Variants in TXNDC16 observed in about 807,000 individuals in gnomAD.
TXNDC16 encodes the protein thioredoxin domain containing 16.
Under a neutral mutation model 85.6 loss-of-function variants are expected in TXNDC16, and 74 were observed. The ratio of observed to expected loss-of-function variants is 0.86; its 90% confidence interval spans 0.72 to 1.05. TXNDC16 has a LOEUF of 1.05. Ranked by LOEUF, TXNDC16 falls within the 50% of genes least tolerant of loss-of-function variation. The pLI, the probability that TXNDC16 is intolerant of heterozygous loss-of-function variation, is 0.00. For synonymous variants in TXNDC16, 335 were observed against 326.5 expected, an observed-to-expected ratio of 1.03 and a Z score of -0.28; for missense variants, 959 against 947.0, an observed-to-expected ratio of 1.01 and a Z score of -0.17.
chr14:52,536,637 TTTTAATGAA>T, intron 6 of TXNDC16, 73 bp downstream of exon 6: 1 of 1,178,786 alleles, frequency 8.5e-7, no homozygotes, highest in Non-Finnish European at 1.2e-6. Context: ...CCCTGAAATA[TTTTAATGAA>T]TTGTGGTTAT....
intron 6 of TXNDC16, among the ~76,000 whole-genome samples, chr14:52,536,432 T>C (rs2037701975): frequency 6.6e-6 from 1 of 152,210 alleles, no homozygotes; most frequent in Non-Finnish European, 1.5e-5. Flanking sequence ...CTGAACAGAC[T>C]AAGATACCTG....
intron 2 of TXNDC16, among the ~76,000 whole-genome samples, chr14:52,543,835 C>G (rs973787802): frequency 6.6e-6 from 1 of 151,962 alleles, no homozygotes; most frequent in African/African-American, 2.4e-5. Flanking sequence ...CAAAAGATAT[C>G]AAAACTACCT....
rs368904050 is a variant in TXNDC16 at position 52,470,003 on chromosome 14, C to T, written c.1618+34G>A. 2.2e-5 allele frequency: 34 copies of T among 1,576,770 alleles called. No homozygotes were observed. In the African/African-American group the frequency reaches 3.6e-4, roughly 17 times the overall value. On this transcript the variant is annotated intron_variant, in intron 16 of 20. Transcript: ENST00000281741. ...TAAAACTAGCAAGCAATGATATACT[C>T]TACTGTATAATTTAAAAGCTCAGCT...
chr14:52,517,755 G>A (rs1289325565), intron 7 of TXNDC16, among the ~76,000 whole-genome samples: 8 of 151,750 alleles, frequency 5.3e-5, no homozygotes, highest in Non-Finnish European at 8.8e-5. Context: ...CATCTTTCTC[G>A]TTAACATACA....
At chr14:52,544,457 T>C (rs1323457172) in intron 1 of TXNDC16, 86 bp from the exon 2 acceptor site, 1 of 152,084 alleles carries the variant, frequency 6.6e-6, no homozygotes, top group Non-Finnish European at 1.5e-5. Context: ...TTCAGTATTT[T>C]TAAAATTTCA....
intron 9 of TXNDC16, among the ~76,000 whole-genome samples, chr14:52,497,599 G>A (rs1193319170): frequency 6.6e-6 from 1 of 152,156 alleles, no homozygotes; most frequent in African/African-American, 2.4e-5. Flanking sequence ...ACCAAACTGG[G>A]CTGGGAGCAG....
In TXNDC16 at chr14:52,455,396, C is replaced by G. The variant is rs778192453; in HGVS notation, c.1770G>C (p.Glu590Asp). 5.0e-6 allele frequency: 8 copies of G among 1,613,952 alleles called. No individual in the cohort carries two copies. Among genetic ancestry groups the G allele is most frequent in the Non-Finnish European group, 6.8e-6 (8 of 1,179,940 alleles). Residue 590 changes from glutamate (E) to aspartate (D), a missense_variant, in exon 18 of 21, where the codon GAG becomes GAC. Physicochemically the swap from Glu to Asp is conservative, Grantham distance 45. Transcript: ENST00000281741. ...LLARHTEGKI[E>D]SIPLASTHAQ... ...CATGTGTGCTAGCTAGTGGGATGCTCTCTATTTTGCCTTCTGTGTGTCTGG... is the reference window on the plus strand; with the variant it reads ...CATGTGTGCTAGCTAGTGGGATGCTGTCTATTTTGCCTTCTGTGTGTCTGG...
In TXNDC16 at chr14:52,439,271, C is replaced by G; in HGVS notation, c.2127G>C (p.Gln709His). Residue 709 changes from glutamine (Q) to histidine (H), a missense_variant, in exon 20 of 21, where the codon CAG becomes CAC. Gln to His is a conservative substitution (Grantham distance 24). Transcript: ENST00000281741. ...GGQVFAFPSD[Q>H]AIIEENLVLW... ...ATACAAGGTTTTCTTCAATTATAGC[C>G]TGGTCTGAAGGAAATGCAAATACTT... 1 of 1,614,036 alleles carries G rather than the reference C, an allele frequency of 6.2e-7. No homozygotes were observed.
intron 14 of TXNDC16, among the ~76,000 whole-genome samples, chr14:52,476,879 T>C (rs566690484): frequency 2.0e-5 from 3 of 152,264 alleles, no homozygotes; most frequent in Non-Finnish European, 4.4e-5. Flanking sequence ...GTCATCAGGT[T>C]ACCTAAAGTT....
At chr14:52,457,581 T>C (rs1242497391) in intron 16 of TXNDC16, among the ~76,000 whole-genome samples, 1 of 152,166 alleles carries the variant, frequency 6.6e-6, no homozygotes, top group East Asian at 1.9e-4. Flanking sequence ...AACCATAAAA[T>C]CTGAAAGTAT....
chr14:52,506,758 T>A (rs1473031144), intron 9 of TXNDC16, among the ~76,000 whole-genome samples: 1 of 142,128 alleles, frequency 7.0e-6, no homozygotes, highest in African/African-American at 2.7e-5. Flanking sequence ...GGGTTTCACC[T>A]TGTTAGCCAG....
rs112830627 is a variant in TXNDC16, at chr14:52,441,458, A to C, written c.1843-734T>G. ...ACCCTGTCTCTAATAAAAGTACAAA[A>C]ATTAGCTGGGTATGGTGGTGCCCGC... is the stretch of plus-strand genomic sequence containing the variant. On this transcript the variant is annotated intron_variant, in intron 18 of 20. Coordinates refer to ENST00000281741, the MANE Select transcript of TXNDC16 (RefSeq NM_020784.3). Among the ~76,000 whole-genome samples, 1,433 of 152,214 alleles carry C rather than the reference A, an allele frequency of 9.4e-3. 11 individuals carry two copies. The highest frequency in any genetic ancestry group is 0.017 in the Middle Eastern group (5 of 294).
At chr14:52,489,041 C>T (rs1389399956) in intron 11 of TXNDC16, among the ~76,000 whole-genome samples, 1 of 152,042 alleles carries the variant, frequency 6.6e-6, no homozygotes, top group Admixed American at 6.6e-5. Context: ...CTTGTCACAA[C>T]CACATTATAC....
At chr14:52,529,916 A>ATATAT (rs1566581271) in intron 6 of TXNDC16, among the ~76,000 whole-genome samples, 6 of 101,928 alleles carry the variant, frequency 5.9e-5, no homozygotes, top group African/African-American at 2.5e-4. Flanking sequence ...ATATTATATA[A>ATATAT]TATACATTAT....
intron 4 of TXNDC16, among the ~76,000 whole-genome samples, chr14:52,538,526 T>C (rs2037754730): frequency 6.6e-6 from 1 of 152,044 alleles, no homozygotes; most frequent in Non-Finnish European, 1.5e-5. Context: ...ATGACTTGGA[T>C]GAGAAGTAAA....
intron 9 of TXNDC16, among the ~76,000 whole-genome samples, chr14:52,495,132 G>T (rs1231881813): frequency 1.3e-5 from 2 of 152,208 alleles, no homozygotes; most frequent in African/African-American, 4.8e-5. Context: ...AAAATGATAA[G>T]AATCATTTCT....
chr14:52,536,851 A>T (rs892530791), intron 5 of TXNDC16, 58 bp from the exon 6 acceptor site: 15 of 1,400,050 alleles, frequency 1.1e-5, no homozygotes, highest in African/African-American at 2.9e-5. Flanking sequence ...TTTCCTTAGA[A>T]TTCAATTTAC....
chr14:52,514,905 C>A lies in TXNDC16; in HGVS notation c.580G>T (p.Glu194Ter). Reference sequence around the variant, plus strand: ...CCAATACTTTCCAAAAGGGCAATTTCTGTGGTTAAGACAAATTGGTATGTA... The same window carrying A: ...CCAATACTTTCCAAAAGGGCAATTTATGTGGTTAAGACAAATTGGTATGTA... ...GTTYQFVLTT[E>*]IALLESIGSE... The change falls in exon 8 of 21, where the codon GAA becomes TAA. Residue 194 changes from glutamate to a stop codon, truncating the protein, a stop_gained. Transcript: ENST00000281741. LOFTEE classifies it high-confidence loss of function. 1 of 1,611,986 alleles carries A rather than the reference C, an allele frequency of 6.2e-7. No homozygotes were observed. Among genetic ancestry groups the A allele is most frequent in the Non-Finnish European group, 8.5e-7 (1 of 1,178,764 alleles).
chr14:52,505,428 A>C (rs1256672737), intron 9 of TXNDC16, among the ~76,000 whole-genome samples: 1 of 152,250 alleles, frequency 6.6e-6, no homozygotes, highest in Non-Finnish European at 1.5e-5. Flanking sequence ...AAAACCGCTC[A>C]ACTACATGGA....
Sources: gnomAD v4.1 joint callset for allele counts (sites outside exome capture counted in the v4.1 genomes callset) on GRCh38, gnomAD v4.1.1 for gene constraint, MANE v1.5 for transcripts, NCBI Gene and HGNC (gene_info 2026-07-23, HGNC 2026-07-21) for gene names.